Variants in ADRA1B observed in about 807,000 individuals in gnomAD.
ADRA1B encodes adrenoceptor alpha 1B, also known as alpha-1B adrenergic receptor.
ADRA1B carries 17 observed loss-of-function variants against 17.9 expected under a neutral mutation model. The observed-to-expected ratio is 0.95, with a 90% CI of 0.65 to 1.42. The LOEUF is 1.42. Among genes scored for constraint, ADRA1B ranks in the 40% most tolerant of loss-of-function variants. The pLI is 0.00. For synonymous variants in ADRA1B, 366 were observed against 327.6 expected (o/e 1.12, Z -1.27); for missense variants, 681 against 722.1 (o/e 0.94, Z 0.65).
At chr5:159,982,054 T>C in the ADRA1B span, among the ~76,000 whole-genome samples, 1 of 152,122 alleles carries the variant, frequency 6.6e-6, no homozygotes, top group Non-Finnish European at 1.5e-5. Context: ...TGCTCACCCT[T>C]GGAACCCATC....
At chr5:159,936,872 G>T (rs531153443) in intron 1 of ADRA1B, among the ~76,000 whole-genome samples, 29 of 152,298 alleles carry the variant, frequency 1.9e-4, no homozygotes, top group Middle Eastern at 6.8e-3. Flanking sequence ...AGGTGGACTT[G>T]GAACACTCTG....
At chr5:159,984,202 C>G in the ADRA1B span, among the ~76,000 whole-genome samples, 3 of 152,098 alleles carry the variant, frequency 2.0e-5, no homozygotes, top group Non-Finnish European at 4.4e-5. Flanking sequence ...TGGTTACCTC[C>G]TCCACTCCCA....
At chr5:159,982,866 A>G in the ADRA1B span, among the ~76,000 whole-genome samples, 1 of 152,318 alleles carries the variant, frequency 6.6e-6, no homozygotes. Flanking sequence ...GGGCAGAAAT[A>G]TGAATGAATA....
chr5:159,920,027 G>A (rs1754437157), intron 1 of ADRA1B, among the ~76,000 whole-genome samples: 1 of 152,182 alleles, frequency 6.6e-6, no homozygotes, highest in African/African-American at 2.4e-5. Flanking sequence ...CTCAAACTTT[G>A]AGAACTATCA....
At chr5:159,897,234 T>A (rs1351246535) in intron 1 of ADRA1B, among the ~76,000 whole-genome samples, 1 of 152,200 alleles carries the variant, frequency 6.6e-6, no homozygotes, top group South Asian at 2.1e-4. Context: ...ACGCCTGTAA[T>A]CCCAGCACTT....
chr5:159,887,787 T>C (rs1485903999), intron 1 of ADRA1B, among the ~76,000 whole-genome samples: 2 of 152,314 alleles, frequency 1.3e-5, no homozygotes, highest in South Asian at 2.1e-4. Context: ...CCTCTCTGTG[T>C]AGAGGTGGAA....
At chr5:159,872,838 G>A (rs747693568) in intron 1 of ADRA1B, among the ~76,000 whole-genome samples, 6 of 152,086 alleles carry the variant, frequency 3.9e-5, no homozygotes, top group African/African-American at 1.2e-4. Flanking sequence ...TACATGTGCC[G>A]TGGTGGTTTG....
chr5:159,953,539 C>T (rs764309024), intron 1 of ADRA1B, among the ~76,000 whole-genome samples: 45 of 152,166 alleles, frequency 3.0e-4, no homozygotes, highest in Non-Finnish European at 5.4e-4. Context: ...GCAATCAGCA[C>T]TGGGGTGTGG....
chr5:159,941,722 A>AT (rs1755131653), intron 1 of ADRA1B, among the ~76,000 whole-genome samples: 1 of 152,242 alleles, frequency 6.6e-6, no homozygotes, highest in African/African-American at 2.4e-5. Flanking sequence ...GTATGGACAC[A>AT]TGCTACCACA....
At chr5:159,912,337 T>C (rs935976403), upstream of ADRA1B, among the ~76,000 whole-genome samples, 6 of 152,212 alleles carry the variant, frequency 3.9e-5, no homozygotes, top group Non-Finnish European at 7.3e-5. Flanking sequence ...CACTTCACTC[T>C]CCTGACCAGG....
intron 1 of ADRA1B, among the ~76,000 whole-genome samples, chr5:159,877,180 G>A (rs980794413): frequency 8.6e-5 from 13 of 151,938 alleles, no homozygotes; most frequent in South Asian, 2.1e-4. Context: ...AGAGCCGTGC[G>A]CTCTGAAAAA....
intron 1 of ADRA1B, among the ~76,000 whole-genome samples, chr5:159,945,441 G>C (rs181722127): frequency 6.6e-6 from 1 of 152,136 alleles, no homozygotes; most frequent in Non-Finnish European, 1.5e-5. Context: ...TGACTAGAAG[G>C]AGCCAGCCCT....
At chr5:159,971,855 T>TGGGGGGGGGGGGGGGGGGGGGGGGG in intron 1 of ADRA1B, 24 bp from the exon 2 acceptor site, 2 of 435,070 alleles carry the variant, frequency 4.6e-6, no homozygotes, top group Non-Finnish European at 7.2e-6. Context: ...TTTCTGCCCG[T>TGGGGGGGGGGGGGGGGGGGGGGGGG]GCCCACCCCC....
At chr5:159,874,160 A>C (rs1753778749) in intron 1 of ADRA1B, among the ~76,000 whole-genome samples, 1 of 152,122 alleles carries the variant, frequency 6.6e-6, no homozygotes, top group Admixed American at 6.5e-5. Context: ...TGCTTGGAGA[A>C]GTGCTCAGAC....
At position 159,917,346 on chromosome 5, in the gene ADRA1B, G is replaced by T; in HGVS notation, c.441G>T (p.Val147=). The change falls in exon 1 of 2, where the codon GTG becomes GTT. Residue 147 remains valine (V), a synonymous_variant. Transcript: ENST00000306675. ...CAISIDRYIG[V]RYSLQYPTLV... is the part of the protein sequence containing the mutation. ...TCTCCATCGATCGCTACATCGGGGT[G>T]CGCTACTCTCTGCAGTATCCCACGC... The T allele has an allele frequency of 6.2e-7, 1 of 1,614,082 alleles. No homozygotes were observed. The highest frequency in any genetic ancestry group is 8.5e-7 in the Non-Finnish European group (1 of 1,180,026).
chr5:159,958,420 C>G (rs1035863678), intron 1 of ADRA1B, among the ~76,000 whole-genome samples: 4 of 152,082 alleles, frequency 2.6e-5, no homozygotes, highest in African/African-American at 9.7e-5. Context: ...CTTTCTTCTG[C>G]CTTTTTCTGC....
intron 1 of ADRA1B, among the ~76,000 whole-genome samples, chr5:159,958,818 G>C (rs1755613565): frequency 6.6e-6 from 1 of 152,136 alleles, no homozygotes; most frequent in Admixed American, 6.5e-5. Flanking sequence ...CTTCTTCATG[G>C]TAAGTCCCAC....
intron 1 of ADRA1B, among the ~76,000 whole-genome samples, chr5:159,883,074 G>C (rs1042035906): frequency 2.6e-5 from 4 of 152,142 alleles, no homozygotes; most frequent in Admixed American, 6.5e-5. Flanking sequence ...GGCTTTCCAA[G>C]CCACCATGTT....
chr5:159,883,057 G>C (rs1042203801), intron 1 of ADRA1B, among the ~76,000 whole-genome samples: 28 of 152,132 alleles, frequency 1.8e-4, no homozygotes, highest in African/African-American at 4.6e-4. Context: ...GCCAGTTGCT[G>C]GTTCTAGGCT....
Sources: allele counts gnomAD v4.1 joint callset (sites outside exome capture counted in the v4.1 genomes callset), GRCh38; gene constraint gnomAD v4.1.1; transcripts MANE v1.5; gene names NCBI Gene and HGNC (gene_info 2026-07-23, HGNC 2026-07-21).